The following SNRNP48 variants were observed in gnomAD, a reference collection of about 807,000 sequenced individuals.
SNRNP48 encodes the protein small nuclear ribonucleoprotein U11/U12 subunit 48, also known as U11/U12 small nuclear ribonucleoprotein 48 kDa protein.
In SNRNP48, 43 loss-of-function variants were observed where a neutral mutation model predicts 47.0. The ratio of observed to expected loss-of-function variants is 0.92; its 90% CI spans 0.72 to 1.18. The LOEUF (loss-of-function observed/expected upper bound fraction) is 1.18. Ranked by LOEUF, SNRNP48 falls within the 50% of genes most tolerant of loss-of-function variation. The pLI, the probability that SNRNP48 is intolerant of heterozygous loss-of-function variation, is 0.00. For missense variants in SNRNP48, 396 were observed against 422.2 expected (o/e 0.94, Z 0.54); for synonymous variants, 138 against 144.0 (o/e 0.96, Z 0.30).
intron 1 of SNRNP48, among the ~76,000 whole-genome samples, chr6:7,592,553 C>A (rs1249560322): frequency 6.6e-6 from 1 of 151,988 alleles, no homozygotes; most frequent in African/African-American, 2.4e-5. Flanking sequence ...TTTTTTAAAT[C>A]TTCACAATCA....
At chr6:7,608,387 A>T (rs1535432) in intron 8 of SNRNP48, among the ~76,000 whole-genome samples, 107,187 of 151,872 alleles carry the variant, frequency 0.71, 38,438 homozygotes, top group African/African-American at 0.85. Flanking sequence ...TGAAACCCTG[A>T]CTCTACTAAA....
At chr6:7,596,607 A>G (rs1394227051) in intron 4 of SNRNP48, among the ~76,000 whole-genome samples, 3 of 152,338 alleles carry the variant, frequency 2.0e-5, no homozygotes, top group South Asian at 2.1e-4. Flanking sequence ...TTAGTTGTCT[A>G]TATTACATGG....
At chr6:7,595,970 A>G (rs1229479731) in intron 4 of SNRNP48, among the ~76,000 whole-genome samples, 1 of 152,198 alleles carries the variant, frequency 6.6e-6, no homozygotes, top group Non-Finnish European at 1.5e-5. Context: ...ATCCATCAAA[A>G]ACATAGACAT....
intron 4 of SNRNP48, among the ~76,000 whole-genome samples, chr6:7,596,179 T>C (rs945187320): frequency 6.6e-6 from 1 of 152,088 alleles, no homozygotes; most frequent in Non-Finnish European, 1.5e-5. Context: ...GCAGGAAGAA[T>C]TGCTTGAACC....
chr6:7,591,514 A>G (rs984438864), intron 1 of SNRNP48, among the ~76,000 whole-genome samples: 5 of 152,182 alleles, frequency 3.3e-5, no homozygotes, highest in African/African-American at 9.7e-5. Flanking sequence ...TGTATATACC[A>G]TTCATTGTTT....
At chr6:7,603,233 T>G (rs1561714664) in intron 6 of SNRNP48, among the ~76,000 whole-genome samples, 2 of 152,190 alleles carry the variant, frequency 1.3e-5, no homozygotes, top group East Asian at 3.8e-4. Context: ...GAAAGCATGT[T>G]TTTATGTACT....
At chr6:7,608,018 T>A (rs1028152767) in intron 8 of SNRNP48, among the ~76,000 whole-genome samples, 1 of 152,342 alleles carries the variant, frequency 6.6e-6, no homozygotes, top group Admixed American at 6.5e-5. Flanking sequence ...CTCTAATCAA[T>A]CCCTGTTGAC....
rs1476015145 is a variant in SNRNP48 at position 7,591,000 on chromosome 6, A to AG, written c.156+589dup. 2.6e-5 allele frequency among the ~76,000 whole-genome samples: 4 copies of AG among 152,190 alleles called. No homozygotes were observed. The East Asian group carries it at 7.7e-4, about 29-fold the overall frequency. ...CTCAAAAAACAAACAAACAAAATCCAGGAAGGTGTGTTGAGTGAGGAGGGA... is the reference window on the plus strand; with the variant it reads ...CTCAAAAAACAAACAAACAAAATCCAGGGAAGGTGTGTTGAGTGAGGAGGGA... On this transcript the variant is annotated intron_variant, in intron 1 of 8. Coordinates refer to ENST00000342415, the MANE Select transcript of SNRNP48 (RefSeq NM_152551.4).
At chr6:7,593,915 TG>T in intron 2 of SNRNP48, 68 bp downstream of exon 2, 1 of 1,269,538 alleles carries the variant, frequency 7.9e-7, no homozygotes, top group Non-Finnish European at 1.1e-6. Flanking sequence ...TCACAATTTT[TG>T]GAAGTTACAA....
chr6:7,595,865 T>C (rs1246611447), intron 4 of SNRNP48, among the ~76,000 whole-genome samples: 1 of 152,214 alleles, frequency 6.6e-6, no homozygotes, highest in Non-Finnish European at 1.5e-5. Context: ...TGCCCAGCTT[T>C]AGAGCTGGGT....
At chr6:7,603,703 C>G (rs1446445724) in intron 6 of SNRNP48, among the ~76,000 whole-genome samples, 1 of 152,066 alleles carries the variant, frequency 6.6e-6, no homozygotes, top group African/African-American at 2.4e-5. Flanking sequence ...TACTCTGTAC[C>G]ACACAGCTTA....
At chr6:7,600,367 G>A in intron 4 of SNRNP48, 1 of 216,234 alleles carries the variant, frequency 4.6e-6, no homozygotes, top group Non-Finnish European at 7.9e-6. Flanking sequence ...TCTGGAAAGA[G>A]CTACTGATTT....
chr6:7,590,449 A>G (rs113375395), intron 1 of SNRNP48, 36 bp downstream of exon 1: 110,304 of 1,274,690 alleles, frequency 0.087, 5,238 homozygotes, highest in Non-Finnish European at 0.097. Flanking sequence ...TTCGGGGACT[A>G]TCGGCCCGGG....
intron 4 of SNRNP48, among the ~76,000 whole-genome samples, chr6:7,598,063 T>C (rs1759938179): frequency 6.7e-6 from 1 of 150,308 alleles, no homozygotes; most frequent in African/African-American, 2.4e-5. Context: ...GAGACGGGGT[T>C]TCACTGTGTT....
rs777737402 is a variant in SNRNP48 at position 7,608,807 on chromosome 6, A to T, written c.972-18A>T. The T allele has an allele frequency of 1.4e-6, 2 of 1,456,736 alleles. No homozygotes were observed. The highest frequency in any genetic ancestry group is 2.6e-5 in the South Asian group (2 of 77,154). 90.2% of individuals were successfully genotyped at this position (1,456,736 alleles called of 1,614,324 possible). A position where few individuals can be genotyped will look rare whatever the true frequency, so the allele number is the denominator to read the frequency against. ...GTCCATCATTTATAACCATTTTTTT[A>T]TACCTCTTTTATTTCAGGGATGGGG... On this transcript the variant is annotated intron_variant, in intron 8 of 8. Transcript: ENST00000342415.
chr6:7,600,038 G>C (rs1759983192), intron 4 of SNRNP48: 4 of 995,756 alleles, frequency 4.0e-6, no homozygotes, highest in South Asian at 4.2e-5. Flanking sequence ...TAATTCAAAG[G>C]AATTAGGCTT....
At position 7,606,043 on chromosome 6, in the gene SNRNP48, G is replaced by A. The variant is rs148603413; in HGVS notation, c.819G>A (p.Arg273=). 8.1e-6 allele frequency: 13 copies of A among 1,595,822 alleles called. No homozygotes were observed. Among genetic ancestry groups the A allele is most frequent in the Non-Finnish European group, 9.4e-6 (11 of 1,175,502 alleles). The change falls in exon 8 of 9, where the codon AGG becomes AGA. Residue 273 remains arginine, a synonymous_variant. Transcript: ENST00000342415. ...AEDDAEKNEE[R]RSASVDSRQS... is the part of the protein sequence containing the mutation. ...TTCTGTGTTTTAGGAATGAAGAAAG[G>A]CGATCAGCTTCAGTAGATTCACGGC...
chr6:7,590,483 C>T, intron 1 of SNRNP48, 70 bp downstream of exon 1: 1 of 1,245,246 alleles, frequency 8.0e-7, no homozygotes, highest in Non-Finnish European at 1.0e-6. Context: ...GAAGGGAGAT[C>T]CGCACTGGCA....
In SNRNP48 at chr6:7,608,935, T is replaced by G. The variant is rs1760182142; in HGVS notation, c.*62T>G. ...CATGATAACCAATATACAGATATAT[T>G]AATTGGAATTCCTTTGCATAGGAGA... On this transcript the variant is annotated 3_prime_UTR_variant, in exon 9 of 9. Transcript: ENST00000342415. 1 of 925,794 alleles carries G rather than the reference T, an allele frequency of 1.1e-6. No individual in the cohort carries two copies. The highest frequency in any genetic ancestry group is 1.6e-6 in the Non-Finnish European group (1 of 639,554). The allele number at this position is 925,794 out of a possible 1,614,324, so 57.3% of individuals were successfully genotyped here. A position where few individuals can be genotyped will look rare whatever the true frequency, so the allele number is the denominator to read the frequency against.
Sources: allele counts gnomAD v4.1 joint callset (sites outside exome capture counted in the v4.1 genomes callset), GRCh38; gene constraint gnomAD v4.1.1; transcripts MANE v1.5; gene names NCBI Gene and HGNC (gene_info 2026-07-23, HGNC 2026-07-21).